The following IL9R variants were observed in gnomAD, a reference collection of about 807,000 sequenced individuals.
IL9R encodes the protein interleukin 9 receptor, also known as interleukin-9 receptor.
In IL9R, 54 loss-of-function variants were observed where a neutral mutation model predicts 56.3. The ratio of observed to expected loss-of-function variants is 0.96; its 90% CI spans 0.77 to 1.20. The LOEUF is 1.20. IL9R is among the 50% of genes most tolerant of loss of function. IL9R has a pLI of 0.00. For synonymous variants in IL9R, 212 were observed against 250.2 expected, an observed-to-expected ratio of 0.85 and a Z score of 1.44; for missense variants, 545 against 629.8, an observed-to-expected ratio of 0.87 and a Z score of 1.44.
At chrX:156,005,520 G>A (rs374431402) in intron 6 of IL9R, 41 bp downstream of exon 6, 52 of 1,557,780 alleles carry the variant, frequency 3.3e-5, no homozygotes, top group Admixed American at 6.7e-5. Flanking sequence ...GCGGAGTCTG[G>A]GCTGGGCGTC....
rs1603089346 is a variant in IL9R, at chrX:155,997,778, A to G, written c.19A>G (p.Ile7Val). 1 of 1,613,544 alleles carries G rather than the reference A, an allele frequency of 6.2e-7. No homozygotes were observed. The highest frequency in any genetic ancestry group is 8.5e-7 in the Non-Finnish European group (1 of 1,179,678). ...ACTTGTGATGGGACTGGGCAGATGCATCTGGGAAGGTGAGTCTGTGCTTTG... is the reference window on the plus strand; with the variant it reads ...ACTTGTGATGGGACTGGGCAGATGCGTCTGGGAAGGTGAGTCTGTGCTTTG... Reference protein sequence around the residue: MGLGRCIWEGWTLESEA... With the variant: MGLGRCVWEGWTLESEA... Residue 7 changes from isoleucine (I) to valine (V), a missense_variant, in exon 1 of 9, where the codon ATC (isoleucine) becomes GTC (valine). Ile to Val is a conservative substitution (Grantham distance 29, BLOSUM62 3). Around this residue, in one of 2 missense-constraint regions of IL9R, gnomAD observed 431 missense variants for 360.0 expected, o/e 1.20. Transcript: ENST00000244174.
chrX:156,008,899 C>CTGTGTGTGTTCG (rs1334838355), intron 8 of IL9R, among the ~76,000 whole-genome samples: 8 of 142,262 alleles, frequency 5.6e-5, no homozygotes, highest in Non-Finnish European at 1.1e-4. Context: ...GTTTATGTGT[C>CTGTGTGTGTTCG]TGTGTGTGTT....
At chrX:156,001,901 T>G (rs1169992534) in intron 1 of IL9R, among the ~76,000 whole-genome samples, 1 of 152,202 alleles carries the variant, frequency 6.6e-6, no homozygotes, top group Admixed American at 6.5e-5. Flanking sequence ...CTTCTGGTGT[T>G]GCTCTTCTTT....
chrX:156,002,851 G>C, intron 1 of IL9R, 55 bp from the exon 2 acceptor site: 1 of 1,611,464 alleles, frequency 6.2e-7, no homozygotes, highest in Non-Finnish European at 8.5e-7. Context: ...TTCATGGGGA[G>C]CACCCCTCCA....
chrX:156,005,436 T>C lies in IL9R; in HGVS notation c.738T>C (p.Ser246=). Residue 246 remains serine, a synonymous_variant, in exon 6 of 9, where the codon AGT becomes AGC. Transcript: ENST00000244174. ...AGGAGCGTTATACAGGCCAGTGGAG[T>C]GAGTGGAGCCAGCCTGTGTGCTTCC... ...VEEERYTGQW[S]EWSQPVCFQA... The C allele has an allele frequency of 6.2e-7, 1 of 1,612,648 alleles. No individual in the cohort carries two copies. Among genetic ancestry groups the C allele is most frequent in the Non-Finnish European group, 8.5e-7 (1 of 1,179,700 alleles).
Position 156,003,701 on chromosome X carries a change from T to G in IL9R, c.279T>G (p.His93Gln), listed in dbSNP as rs1440827580. The change falls in exon 4 of 9, where the codon CAT becomes CAG. Residue 93 changes from histidine (H) to glutamine (Q), a missense_variant. Coordinates refer to ENST00000244174, the MANE Select transcript of IL9R (RefSeq NM_002186.3). The part of the protein sequence containing the change: ...FTSNQAPGGT[H>Q]KCILRGSECT... ...GCAACCAGGCTCCTGGCGGCACACA[T>G]AAGTGCATCTTGCGGGGCAGTGAGT... 6.2e-7 allele frequency: 1 copy of G among 1,613,428 alleles called. No homozygotes were observed. The highest frequency in any genetic ancestry group is 1.3e-5 in the African/African-American group (1 of 74,922).
Position 156,003,755 on chromosome X carries a change from G to A in IL9R, c.333G>A (p.Val111=), listed in dbSNP as rs1389604095. Residue 111 remains valine, a synonymous_variant, in exon 4 of 9, where the codon GTG becomes GTA. Transcript: ENST00000244174. The stretch of plus-strand genomic sequence containing the variant: ...CCGTCGTGCTGCCACCTGAGGCAGT[G>A]CTCGTGCCATCTGACAATTTCACCA... ...ECTVVLPPEA[V]LVPSDNFTIT... The A allele has an allele frequency of 1.2e-6, 2 of 1,613,866 alleles. No individual in the cohort carries two copies. The highest frequency in any genetic ancestry group is 3.3e-5 in the Admixed American group (2 of 60,002).
intron 1 of IL9R, among the ~76,000 whole-genome samples, chrX:155,998,502 C>G (rs1051812633): frequency 6.6e-6 from 1 of 152,124 alleles, no homozygotes; most frequent in South Asian, 2.1e-4. Context: ...GTGATTTATG[C>G]TGTTCTGGGC....
At chrX:156,007,282 TCGCAG>T (rs1162656132) in intron 7 of IL9R, among the ~76,000 whole-genome samples, 1 of 143,990 alleles carries the variant, frequency 6.9e-6, no homozygotes, top group African/African-American at 2.6e-5. Flanking sequence ...GAACCCGCCA[TCGCAG>T]CTCACGCTGT....
chrX:156,005,208 G>T, intron 5 of IL9R, 70 bp from the exon 6 acceptor site: 1 of 1,179,802 alleles, frequency 8.5e-7, no homozygotes, highest in Non-Finnish European at 1.3e-6. Flanking sequence ...TATAATGCAT[G>T]TGTGTATTCT....
At chrX:156,003,092 G>A (rs1273930443) in intron 2 of IL9R, 73 bp downstream of exon 2, 11 of 1,584,428 alleles carry the variant, frequency 6.9e-6, no homozygotes, top group African/African-American at 2.7e-5. Context: ...TGGGTTGTCC[G>A]ATGTCAAGCC....
Position 156,010,033 on chromosome X carries a change from G to T in IL9R, c.1190G>T (p.Cys397Phe). The T allele has an allele frequency of 6.4e-7, 1 of 1,553,030 alleles. No individual in the cohort carries two copies. The highest frequency in any genetic ancestry group is 1.1e-5 in the South Asian group (1 of 87,682). ...LSSEDVLPAGCTEWRVQTLAY... is the reference protein window; with the variant it reads ...LSSEDVLPAGFTEWRVQTLAY... ...TCAGAGGATGTGCTGCCAGCAGGGT[G>T]TACGGAGTGGAGGGTACAGACGCTT... The change falls in exon 9 of 9, where the codon TGT becomes TTT. Residue 397 changes from cysteine to phenylalanine, a missense_variant. Transcript: ENST00000244174.
At chrX:156,000,760 G>T (rs1011294866) in intron 1 of IL9R, among the ~76,000 whole-genome samples, 1 of 152,224 alleles carries the variant, frequency 6.6e-6, no homozygotes, top group Non-Finnish European at 1.5e-5. Flanking sequence ...TCTGCCTGCA[G>T]CTCCACCCCA....
chrX:156,000,134 TAAAAAAA>T (rs566708471), intron 1 of IL9R, among the ~76,000 whole-genome samples: 1 of 141,300 alleles, frequency 7.1e-6, no homozygotes, highest in Admixed American at 7.0e-5. Flanking sequence ...AGACTCCGTC[TAAAAAAA>T]AAAAATATAT....
At chrX:155,997,905 C>A in intron 1 of IL9R, 118 bp downstream of exon 1, 1 of 965,938 alleles carries the variant, frequency 1.0e-6, no homozygotes, top group Non-Finnish European at 1.7e-6. Flanking sequence ...TTTGAGAGCG[C>A]CACCCTAGCT....
At position 156,007,124 on chromosome X, in the gene IL9R, G is replaced by T. The variant is rs919783456; in HGVS notation, c.888-399G>T. Among the ~76,000 whole-genome samples, 16 of 151,136 alleles carry T rather than the reference G, an allele frequency of 1.1e-4. No homozygotes were observed. In the East Asian group the frequency reaches 3.2e-3, roughly 30 times the overall value. Reference sequence around the variant, plus strand: ...CCCCAGGTGACATCCTTGTGGGAGGGTCAGTGGATCCTTGGCAGCAAGTCT... The same window carrying T: ...CCCCAGGTGACATCCTTGTGGGAGGTTCAGTGGATCCTTGGCAGCAAGTCT... On this transcript the variant is annotated intron_variant, in intron 7 of 8. Transcript: ENST00000244174.
chrX:156,009,267 T>C (rs1349298531), intron 8 of IL9R, among the ~76,000 whole-genome samples: 1 of 46,952 alleles, frequency 2.1e-5, no homozygotes, highest in African/African-American at 8.9e-5. Context: ...TGTGTGTGTT[T>C]GTGTGTGTAT....
At position 156,001,386 on chromosome X, in the gene IL9R, T is replaced by G. The variant is rs377281320; in HGVS notation, c.29-1520T>G. ...ATATCCCAAGAGCAGGCTGACTGCC[T>G]TCCCCATTCCCACCTTTCCAGTAAC... On this transcript the variant is annotated intron_variant, in intron 1 of 8. Coordinates refer to ENST00000244174, the MANE Select transcript of IL9R (RefSeq NM_002186.3). The G allele has an allele frequency of 1.6e-5, 24 of 1,524,496 alleles. No homozygotes were observed. The African/African-American group carries it at 3.3e-4, about 21-fold the overall frequency. 94.4% of individuals were successfully genotyped at this position (1,524,496 alleles called of 1,614,324 possible).
rs768611409 is a variant in IL9R, at chrX:156,009,775, A to G, written c.973-41A>G. On this transcript the variant is annotated intron_variant, in intron 8 of 8. Transcript: ENST00000244174. ...GCTGCTCCCAGGATGAGTTCTGAAC[A>G]TGCTACCTGAGCCCTTCCCTCCTCC... 2.5e-5 allele frequency: 26 copies of G among 1,021,540 alleles called. 1 individual carries two copies. Among genetic ancestry groups the G allele is most frequent in the Middle Eastern group, 4.3e-4 (1 of 2,322 alleles). 63.3% of individuals were successfully genotyped at this position (1,021,540 alleles called of 1,614,324 possible). A position where few individuals can be genotyped will look rare whatever the true frequency, so the allele number is the denominator to read the frequency against.
Sources: gnomAD v4.1 joint callset for allele counts (sites outside exome capture counted in the v4.1 genomes callset) on GRCh38, gnomAD v4.1.1 for gene constraint, gnomAD v4.1.1 regional missense constraint, MANE v1.5 for transcripts, NCBI Gene and HGNC (gene_info 2026-07-23, HGNC 2026-07-21) for gene names.